VPS4B: variants seen among roughly 807,000 people sequenced by gnomAD.
VPS4B encodes vacuolar protein sorting-associated protein 4B.
A neutral mutation model predicts 56.1 loss-of-function variants in VPS4B; 23 were observed. The ratio of observed to expected loss-of-function variants is 0.41; its 90% CI spans 0.30 to 0.58. VPS4B has a LOEUF of 0.58. Among genes scored for constraint, VPS4B ranks in the 20% least tolerant of loss-of-function variants. The pLI, the probability that VPS4B is intolerant of heterozygous loss-of-function variation, is 0.29. For missense variants in VPS4B, 372 were observed against 531.9 expected (o/e 0.70, Z 2.96); for synonymous variants, 177 against 186.0 (o/e 0.95, Z 0.39).
intron 4 of VPS4B, among the ~76,000 whole-genome samples, chr18:63,405,513 C>T (rs2032959925): frequency 6.6e-6 from 1 of 152,014 alleles, no homozygotes; most frequent in Admixed American, 6.6e-5. Flanking sequence ...GGCTAGGACT[C>T]CTTTCATATT....
intron 8 of VPS4B, among the ~76,000 whole-genome samples, chr18:63,398,225 T>TATATATATATATATATA (rs1568084680): frequency 6.2e-4 from 34 of 55,010 alleles, no homozygotes; most frequent in African/African-American, 1.6e-3. Context: ...ATATATATAT[T>TATATATATATATATATA]TTTTTTTGAG....
intron 5 of VPS4B, 99 bp from the exon 6 acceptor site, chr18:63,400,802 TA>T: frequency 8.6e-7 from 1 of 1,157,366 alleles, no homozygotes; most frequent in Non-Finnish European, 1.2e-6. Flanking sequence ...TCTAAACCTC[TA>T]AGGATCAAAA....
Position 63,399,204 on chromosome 18 carries a change from C to G in VPS4B, c.872+38G>C, listed in dbSNP as rs749713172. On this transcript the variant is annotated intron_variant, in intron 8 of 10. Coordinates refer to ENST00000238497, the MANE Select transcript of VPS4B (RefSeq NM_004869.4). ...GAGAATTATCATCTACTTGTTACAT[C>G]TGCAGTGAGAAATAAGATATTTACT... 2.4e-5 allele frequency: 37 copies of G among 1,511,536 alleles called. 1 individual carries two copies. In the Middle Eastern group the frequency reaches 1.9e-3, roughly 77 times the overall value. The allele number at this position is 1,511,536 out of a possible 1,614,324, so 93.6% of individuals were successfully genotyped here. A position where few individuals can be genotyped will look rare whatever the true frequency, so the allele number is the denominator to read the frequency against.
At chr18:63,405,788 C>T (rs953529099) in intron 4 of VPS4B, among the ~76,000 whole-genome samples, 2 of 150,848 alleles carry the variant, frequency 1.3e-5, no homozygotes, top group African/African-American at 4.9e-5. Flanking sequence ...CCAAACCCCA[C>T]CTCTACAAAA....
At chr18:63,408,386 A>G (rs538886969) in intron 3 of VPS4B, among the ~76,000 whole-genome samples, 2 of 152,308 alleles carry the variant, frequency 1.3e-5, no homozygotes, top group Admixed American at 1.3e-4. Context: ...TAGACACTGC[A>G]AAAGATTCAC....
At chr18:63,415,438 C>T (rs1162618309) in intron 1 of VPS4B, 1 of 282,936 alleles carries the variant, frequency 3.5e-6, no homozygotes. Context: ...ATATATGCTG[C>T]TTTCTCTGTA....
chr18:63,400,953 A>G (rs1401627384), intron 5 of VPS4B, among the ~76,000 whole-genome samples: 3 of 152,148 alleles, frequency 2.0e-5, no homozygotes, highest in Non-Finnish European at 4.4e-5. Context: ...CATTCAACCA[A>G]TATGTATCAA....
chr18:63,417,637 A>T (rs1916198951), intron 1 of VPS4B, among the ~76,000 whole-genome samples: 1 of 151,700 alleles, frequency 6.6e-6, no homozygotes, highest in Non-Finnish European at 1.5e-5. Context: ...TTGTGTGTGC[A>T]TGTGTGTGTC....
intron 3 of VPS4B, 142 bp downstream of exon 3, chr18:63,410,148 T>C (rs1916003427): frequency 1.0e-5 from 11 of 1,087,454 alleles, no homozygotes; most frequent in Non-Finnish European, 1.5e-5. Flanking sequence ...GGCTGTGTTC[T>C]GATAAAGCTT....
chr18:63,419,191 C>T (rs930762055), intron 1 of VPS4B, among the ~76,000 whole-genome samples: 1 of 152,114 alleles, frequency 6.6e-6, no homozygotes, highest in African/African-American at 2.4e-5. Context: ...GGGAGGCCAA[C>T]GGGGGTGGAT....
chr18:63,396,996 A>T (rs748427095), intron 9 of VPS4B, 38 bp downstream of exon 9: 14 of 1,595,750 alleles, frequency 8.8e-6, no homozygotes, highest in Non-Finnish European at 9.4e-6. Context: ...TCAAAAAAAA[A>T]AAAAAAAGAT....
chr18:63,414,142 G>A (rs573958402), intron 1 of VPS4B, among the ~76,000 whole-genome samples: 1 of 151,596 alleles, frequency 6.6e-6, no homozygotes, highest in South Asian at 2.1e-4. Flanking sequence ...AGCAGTATGG[G>A]AGGCCGAGGA....
intron 1 of VPS4B, chr18:63,416,470 CTTCCCTT>C (rs1916166360): frequency 1.3e-5 from 2 of 152,594 alleles, no homozygotes; most frequent in Non-Finnish European, 2.9e-5. Context: ...CAAACATTAT[CTTCCCTT>C]TTCAGCCAGA....
intron 4 of VPS4B, among the ~76,000 whole-genome samples, chr18:63,406,186 G>A (rs151031706): frequency 1.5e-3 from 235 of 152,306 alleles, no homozygotes; most frequent in African/African-American, 5.2e-3. Context: ...AACTGAGTGC[G>A]CAGTGTGTGC....
chr18:63,401,734 T>C (rs1032137024), intron 5 of VPS4B, among the ~76,000 whole-genome samples: 1 of 152,190 alleles, frequency 6.6e-6, no homozygotes, highest in Non-Finnish European at 1.5e-5. Context: ...GGCTCATGTA[T>C]GTAATCCCAG....
At chr18:63,395,132 T>A (rs1458481142) in intron 9 of VPS4B, among the ~76,000 whole-genome samples, 1 of 152,200 alleles carries the variant, frequency 6.6e-6, no homozygotes, top group African/African-American at 2.4e-5. Context: ...TCTGGCTGTG[T>A]CACCTTCATC....
intron 8 of VPS4B, among the ~76,000 whole-genome samples, chr18:63,398,237 T>TG (rs982644401): frequency 2.7e-5 from 4 of 147,292 alleles, no homozygotes; most frequent in Non-Finnish European, 5.9e-5. Context: ...TTTTTTGAGA[T>TG]GGAGTCTCAC....
At chr18:63,397,274 A>G (rs753656234) in intron 8 of VPS4B, 21 bp from the exon 9 acceptor site, 1 of 1,582,718 alleles carries the variant, frequency 6.3e-7, no homozygotes, top group South Asian at 1.2e-5. Context: ...AAATTACATC[A>G]AGAATATATT....
intron 1 of VPS4B, among the ~76,000 whole-genome samples, chr18:63,418,566 C>G (rs1366584660): frequency 2.6e-5 from 4 of 152,096 alleles, no homozygotes; most frequent in African/African-American, 9.7e-5. Context: ...TGCACCACCA[C>G]ACCTGGCTAA....
Sources: gnomAD v4.1 joint callset for allele counts (sites outside exome capture counted in the v4.1 genomes callset) on GRCh38, gnomAD v4.1.1 for gene constraint, MANE v1.5 for transcripts, NCBI Gene and HGNC (gene_info 2026-07-23, HGNC 2026-07-21) for gene names.